The following CDCA5 variants were observed in gnomAD, a reference collection of about 807,000 sequenced individuals.
CDCA5 encodes the protein cell division cycle associated 5.
A neutral mutation model predicts 25.7 loss-of-function variants in CDCA5; 14 were observed. The observed-to-expected ratio is 0.54, with a 90% CI of 0.36 to 0.85. The LOEUF (loss-of-function observed/expected upper bound fraction) is 0.85. Ranked by LOEUF, CDCA5 falls within the 40% of genes least tolerant of loss-of-function variation. The pLI, the probability that CDCA5 is intolerant of heterozygous loss-of-function variation, is 0.01. For missense variants in CDCA5, 307 were observed against 324.5 expected (o/e 0.95, Z 0.41); for synonymous variants, 127 against 128.7 (o/e 0.99, Z 0.09).
At chr11:65,067,955 C>T in intron 3 of CDCA5, 12 of 1,079,870 alleles carry the variant, frequency 1.1e-5, no homozygotes, top group African/African-American at 1.6e-5. Context: ...TCCACCTCCC[C>T]CAGTTTTGTG....
chr11:65,080,830 A>G (rs781210799), intron 4 of CDCA5, among the ~76,000 whole-genome samples: 2 of 152,234 alleles, frequency 1.3e-5, no homozygotes, highest in Non-Finnish European at 2.9e-5. Context: ...TAAGAGAAAA[A>G]CAGGTAAGAA....
At chr11:65,070,949 T>C (rs1440957957) in intron 1 of CDCA5, among the ~76,000 whole-genome samples, 6 of 151,070 alleles carry the variant, frequency 4.0e-5, no homozygotes, top group Admixed American at 6.6e-5. Context: ...CTTTTCTTTT[T>C]TTTTTTTTTT....
chr11:65,076,258 A>G (rs535542829), downstream of CDCA5, among the ~76,000 whole-genome samples: 4 of 150,626 alleles, frequency 2.7e-5, no homozygotes, highest in Admixed American at 2.0e-4. Flanking sequence ...TGGACTGCAG[A>G]TATGTGCCAC....
rs895632769 is a variant in CDCA5 at position 65,083,364 on chromosome 11, C to A, written c.243G>T (p.Arg81Ser). 1.9e-6 allele frequency: 3 copies of A among 1,613,952 alleles called. No homozygotes were observed. In the Admixed American group the frequency reaches 5.0e-5, roughly 27 times the overall value. Residue 81 changes from arginine (R) to serine (S), a missense_variant and splice_region_variant, in exon 4 of 6, where the codon AGG becomes AGT. Arg to Ser is a moderately radical substitution (Grantham distance 110). Transcript: ENST00000275517. Reference protein sequence around the residue: ...PAVQSPRRSPRISFFLEKENE... With the variant: ...PAVQSPRRSPSISFFLEKENE... ...ATTAAGTAGATGAAAGTGAACTCAC[C>A]CTAGGGCTCCTGCGAGGTGATTGGA...
chr11:65,078,875 G>A lies in CDCA5; in HGVS notation c.*232C>T, dbSNP rs543660858. On this transcript the variant is annotated 3_prime_UTR_variant, in exon 6 of 6. Transcript: ENST00000275517. ...TTTGGGGAGATAGGAAGGACAGGAC[G>A]ACAAGAGACAGGACACCAGTGAGTG... The A allele has an allele frequency of 8.1e-6, 10 of 1,233,946 alleles. No individual in the cohort carries two copies. Among genetic ancestry groups the A allele is most frequent in the Non-Finnish European group, 7.1e-6 (7 of 988,370 alleles). The allele number at this position is 1,233,946 out of a possible 1,614,324, so 76.4% of individuals were successfully genotyped here. A position where few individuals can be genotyped will look rare whatever the true frequency, so the allele number is the denominator to read the frequency against.
At chr11:65,064,170 G>A (rs1342337392), downstream of CDCA5, among the ~76,000 whole-genome samples, 2 of 152,152 alleles carry the variant, frequency 1.3e-5, no homozygotes, top group African/African-American at 4.8e-5. Context: ...TGTAATCCCA[G>A]CACTTTGGGA....
downstream of CDCA5, among the ~76,000 whole-genome samples, chr11:65,063,156 T>A: frequency 6.6e-6 from 1 of 152,214 alleles, no homozygotes. Flanking sequence ...CCCACCAGAC[T>A]GCCAAGGCAG....
At chr11:65,082,960 T>C (rs1221348006) in intron 4 of CDCA5, among the ~76,000 whole-genome samples, 1 of 152,136 alleles carries the variant, frequency 6.6e-6, no homozygotes, top group Non-Finnish European at 1.5e-5. Flanking sequence ...GGAGTTCACA[T>C]TTCTCAGTCA....
exon 6 of CDCA5, chr11:65,066,603 A>T: frequency 7.8e-7 from 1 of 1,289,254 alleles, no homozygotes. Context: ...CAGGGCCTTC[A>T]CTTCATCCTG....
downstream of CDCA5, chr11:65,066,313 T>G: frequency 1.7e-6 from 2 of 1,154,422 alleles, no homozygotes; most frequent in Non-Finnish European, 2.2e-6. Flanking sequence ...GCTTCCAAGT[T>G]TATTTCTGGG....
chr11:65,069,352 C>T lies in CDCA5; in HGVS notation c.64-751G>A, dbSNP rs375528221. On this transcript the variant is annotated intron_variant, in intron 1 of 6. Coordinates refer to the CDCA5 transcript ENST00000525464. ...AGTAACCACAGACATGGTCCTTCTT[C>T]ACACTGAGTCCACCTGCGCCTCTAG... Among the ~76,000 whole-genome samples, 52 of 151,830 alleles carry T rather than the reference C, an allele frequency of 3.4e-4. No individual in the cohort carries two copies. The South Asian group carries it at 0.01, about 30-fold the overall frequency.
Position 65,083,211 on chromosome 11 carries a change from T to C in CDCA5, c.243+153A>G, listed in dbSNP as rs575457741. 35 of 786,572 alleles carry C rather than the reference T, an allele frequency of 4.4e-5. No individual in the cohort carries two copies. The South Asian group carries it at 5.6e-4, about 13-fold the overall frequency. The allele number at this position is 786,572 out of a possible 1,614,324, so 48.7% of individuals were successfully genotyped here. On this transcript the variant is annotated intron_variant, in intron 4 of 5. Transcript: ENST00000275517. ...AGTGTATTAAGTCTTCAGGGAGTAA[T>C]CAAGACTGGCAATGCATGCAGGTGC... is the stretch of plus-strand genomic sequence containing the variant.
intron 1 of CDCA5, among the ~76,000 whole-genome samples, chr11:65,071,504 G>A (rs749264057): frequency 5.9e-5 from 9 of 151,638 alleles, no homozygotes; most frequent in Non-Finnish European, 1.2e-4. Context: ...TAGTAGAGAC[G>A]GGGTTTCACC....
rs1275362165 is a variant in CDCA5 at position 65,083,821 on chromosome 11, C to T, written c.47-98G>A. ...CAGCGAGAAGATTCCCAAACAAGCCCTTTTAAGGGCGCCTCCTCCGGCGGC... is the reference window on the plus strand; with the variant it reads ...CAGCGAGAAGATTCCCAAACAAGCCTTTTTAAGGGCGCCTCCTCCGGCGGC... On this transcript the variant is annotated intron_variant, in intron 1 of 5. Coordinates refer to ENST00000275517, the MANE Select transcript of CDCA5 (RefSeq NM_080668.4). 5 of 1,586,862 alleles carry T rather than the reference C, an allele frequency of 3.2e-6. No homozygotes were observed. In the East Asian group the frequency reaches 6.7e-5, roughly 21 times the overall value.
At position 65,068,994 on chromosome 11, in the gene CDCA5, C is replaced by T. The variant is rs559286803; in HGVS notation, c.64-393G>A. Among the ~76,000 whole-genome samples the T allele has an allele frequency of 8.0e-3, 1,215 of 152,268 alleles. 9 individuals carry two copies. The highest frequency in any genetic ancestry group is 0.013 in the Non-Finnish European group (896 of 68,026). On this transcript the variant is annotated intron_variant, in intron 1 of 6. Transcript: ENST00000525464. The stretch of plus-strand genomic sequence containing the variant: ...GTGGCTCACGCCTGTAATCCCAGCA[C>T]TTTTGGAGGCCAAGGCGGGAGGATC...
chr11:65,073,804 G>A (rs543596795), downstream of CDCA5, among the ~76,000 whole-genome samples: 3 of 152,298 alleles, frequency 2.0e-5, no homozygotes, highest in East Asian at 3.9e-4. Context: ...GTAGGGCGCC[G>A]ACTGCCAGAA....
At chr11:65,062,100 A>T (rs560832891), downstream of CDCA5, among the ~76,000 whole-genome samples, 2 of 151,944 alleles carry the variant, frequency 1.3e-5, no homozygotes, top group East Asian at 3.9e-4. Flanking sequence ...TTGTGTTTTT[A>T]GTAAAGATAG....
chr11:65,083,203 G>A (rs1225233155), intron 4 of CDCA5, 161 bp downstream of exon 4: 2 of 738,808 alleles, frequency 2.7e-6, no homozygotes, highest in East Asian at 2.5e-5. Context: ...TAAGTCTTCA[G>A]GGAGTAATCA....
At chr11:65,063,040 C>T (rs1947200033), downstream of CDCA5, among the ~76,000 whole-genome samples, 1 of 152,204 alleles carries the variant, frequency 6.6e-6, no homozygotes, top group African/African-American at 2.4e-5. Context: ...CACAGCAACT[C>T]AACACTCCTG....
Sources: allele counts gnomAD v4.1 joint callset (sites outside exome capture counted in the v4.1 genomes callset), GRCh38; gene constraint gnomAD v4.1.1; transcripts MANE v1.5; gene names NCBI Gene and HGNC (gene_info 2026-07-23, HGNC 2026-07-21).